Variants in PDE1C observed in about 807,000 individuals in gnomAD.
PDE1C encodes the protein phosphodiesterase 1C, also known as dual specificity calcium/calmodulin-dependent 3',5'-cyclic nucleotide phosphodiesterase 1C.
A neutral mutation model predicts 93.1 loss-of-function variants in PDE1C; 62 were observed. That is an observed-to-expected ratio of 0.67 (90% CI 0.54 to 0.82). The LOEUF is 0.82. Ranked by LOEUF, PDE1C falls within the 40% of genes least tolerant of loss-of-function variation. The pLI, the probability that PDE1C is intolerant of heterozygous loss-of-function variation, is 0.00. For synonymous variants in PDE1C, 325 were observed against 310.1 expected (o/e 1.05, Z -0.50); for missense variants, 742 against 884.6 (o/e 0.84, Z 2.04).
At chr7:31,754,327 C>T (rs905212913) in intron 17 of PDE1C, among the ~76,000 whole-genome samples, 13 of 152,278 alleles carry the variant, frequency 8.5e-5, no homozygotes, top group Admixed American at 2.6e-4. Flanking sequence ...ACAGTTTGAC[C>T]GTTTCTTATG....
intron 1 of PDE1C, among the ~76,000 whole-genome samples, chr7:32,054,707 T>C (rs766202168): frequency 1.1e-4 from 17 of 152,208 alleles, no homozygotes; most frequent in Non-Finnish European, 2.1e-4. Flanking sequence ...ATAGATATAT[T>C]CTTAGCTTCA....
intron 3 of PDE1C, among the ~76,000 whole-genome samples, chr7:32,088,652 G>A (rs1006435330): frequency 6.6e-6 from 1 of 152,238 alleles, no homozygotes; most frequent in African/African-American, 2.4e-5. Flanking sequence ...CTGGGTGTTT[G>A]CAAAGCAGAG....
intron 2 of PDE1C, among the ~76,000 whole-genome samples, chr7:31,896,767 A>G (rs550847786): frequency 6.6e-6 from 1 of 152,314 alleles, no homozygotes; most frequent in South Asian, 2.1e-4. Flanking sequence ...ATTGATGGTA[A>G]TTCTGACCTT....
rs747524602 is a variant in PDE1C, at chr7:31,823,088, C to T, written c.1567G>A (p.Ala523Thr). The T allele has an allele frequency of 2.5e-6, 4 of 1,610,516 alleles. No individual in the cohort carries two copies. The highest frequency in any genetic ancestry group is 3.4e-6 in the Non-Finnish European group (4 of 1,178,170). ...GGCATGTTACCTTTGGGTACCTTGG[C>T]CCTCCATCTCTCCCGATTGATGTGC... ...VVHINRERWR[A>T]KVPKEEKAKK... is the part of the protein sequence containing the mutation. The change falls in exon 14 of 18, where the codon GCC (alanine) becomes ACC (threonine). Residue 523 changes from alanine to threonine, a missense_variant. Ala to Thr is a moderately conservative substitution (Grantham distance 58). Around this residue, in one of 4 missense-constraint regions of PDE1C, gnomAD observed 454 missense variants for 459.4 expected, o/e 0.99. Transcript: ENST00000396191.
chr7:32,176,794 T>C lies in PDE1C; in HGVS notation c.137-6838A>G, dbSNP rs983546737. On this transcript the variant is annotated intron_variant, in intron 2 of 18. Transcript: ENST00000396193. ...AGGAGCAGTTCTAAACTATATCACATATACTGTAGGACAGAGCAAATAAGC... is the reference window on the plus strand; with the variant it reads ...AGGAGCAGTTCTAAACTATATCACACATACTGTAGGACAGAGCAAATAAGC... Among the ~76,000 whole-genome samples, 3 of 152,160 alleles carry C rather than the reference T, an allele frequency of 2.0e-5. 1 individual carries two copies. The highest frequency in any genetic ancestry group is 1.3e-4 in the Admixed American group (2 of 15,270).
At chr7:32,234,645 T>C (rs1807942103) in intron 1 of PDE1C, among the ~76,000 whole-genome samples, 1 of 151,970 alleles carries the variant, frequency 6.6e-6, no homozygotes, top group African/African-American at 2.4e-5. Flanking sequence ...GAAAAAAATA[T>C]TCCAAGTCCA....
the PDE1C span, among the ~76,000 whole-genome samples, chr7:31,673,589 T>A: frequency 5.3e-5 from 8 of 152,212 alleles, no homozygotes; most frequent in Non-Finnish European, 7.3e-5. Flanking sequence ...TATTTCTTTT[T>A]TACATTCAAA....
At chr7:31,944,970 G>T (rs1806407332) in intron 2 of PDE1C, among the ~76,000 whole-genome samples, 4 of 152,006 alleles carry the variant, frequency 2.6e-5, no homozygotes. Flanking sequence ...TTTTCCTGTT[G>T]TTTTTCTTCC....
At chr7:32,197,478 C>T (rs546977245) in intron 2 of PDE1C, among the ~76,000 whole-genome samples, 19 of 152,236 alleles carry the variant, frequency 1.2e-4, no homozygotes, top group East Asian at 1.9e-4. Flanking sequence ...AACACATATA[C>T]ACTTTTTAAA....
At chr7:31,993,007 AT>A (rs1332798843) in intron 2 of PDE1C, among the ~76,000 whole-genome samples, 4 of 152,224 alleles carry the variant, frequency 2.6e-5, no homozygotes, top group Non-Finnish European at 4.4e-5. Flanking sequence ...GTCTAGAATA[AT>A]TATATTCTGA....
intron 8 of PDE1C, among the ~76,000 whole-genome samples, chr7:31,850,150 G>A (rs1793152694): frequency 6.6e-6 from 1 of 152,080 alleles, no homozygotes. Context: ...CTGTGCCAGG[G>A]AGTGGTGCAA....
chr7:31,984,863 C>T (rs1012855211), intron 2 of PDE1C, among the ~76,000 whole-genome samples: 1 of 152,090 alleles, frequency 6.6e-6, no homozygotes, highest in Non-Finnish European at 1.5e-5. Flanking sequence ...TGTAAGAATT[C>T]CAGCAAACTA....
the PDE1C span, among the ~76,000 whole-genome samples, chr7:31,666,733 C>T: frequency 9.9e-5 from 15 of 152,090 alleles, no homozygotes; most frequent in African/African-American, 3.6e-4. Flanking sequence ...ATTCCTATCA[C>T]CCCAAATGTC....
At chr7:31,764,510 T>C (rs10271238) in intron 17 of PDE1C, among the ~76,000 whole-genome samples, 19,831 of 152,164 alleles carry the variant, frequency 0.13, 1,605 homozygotes, top group Non-Finnish European at 0.18. Flanking sequence ...CAGTGGGAAG[T>C]ATGCCTTAGA....
intron 11 of PDE1C, among the ~76,000 whole-genome samples, chr7:31,833,147 C>A (rs980925501): frequency 1.3e-5 from 2 of 152,158 alleles, no homozygotes; most frequent in Admixed American, 6.5e-5. Flanking sequence ...CAAGGGGAAA[C>A]CCCTTTCACT....
chr7:31,918,165 A>T (rs1205340030), intron 2 of PDE1C, among the ~76,000 whole-genome samples: 2 of 152,188 alleles, frequency 1.3e-5, no homozygotes, highest in Non-Finnish European at 2.9e-5. Context: ...TATTTCAATG[A>T]TAGATATCAA....
intron 2 of PDE1C, among the ~76,000 whole-genome samples, chr7:31,963,815 G>C (rs1424086301): frequency 1.3e-5 from 2 of 152,194 alleles, no homozygotes; most frequent in Admixed American, 6.5e-5. Context: ...GGTTATGAAA[G>C]AATTTTATAA....
At chr7:31,703,979 G>A in the PDE1C span, among the ~76,000 whole-genome samples, 1 of 152,130 alleles carries the variant, frequency 6.6e-6, no homozygotes, top group East Asian at 1.9e-4. Context: ...AGAAAGCATT[G>A]GTTCTGACTA....
At chr7:31,838,726 A>G (rs1403464352) in intron 9 of PDE1C, among the ~76,000 whole-genome samples, 2 of 152,012 alleles carry the variant, frequency 1.3e-5, no homozygotes, top group Non-Finnish European at 2.9e-5. Context: ...TGATCTTTTT[A>G]CTGCCTCTAA....
Sources: gnomAD v4.1 joint callset for allele counts (sites outside exome capture counted in the v4.1 genomes callset) on GRCh38, gnomAD v4.1.1 for gene constraint, gnomAD v4.1.1 regional missense constraint, MANE v1.5 for transcripts, NCBI Gene and HGNC (gene_info 2026-07-23, HGNC 2026-07-21) for gene names.